The following CIDEB variants were observed in gnomAD, a reference collection of about 807,000 sequenced individuals.
CIDEB encodes the protein cell death inducing DFFA like effector b, also known as lipid transferase CIDEB.
A neutral mutation model predicts 22.4 loss-of-function variants in CIDEB; 27 were observed. The observed-to-expected ratio is 1.21, with a 90% confidence interval of 0.89 to 1.66. CIDEB has a LOEUF of 1.66. Ranked by LOEUF, CIDEB falls within the 40% of genes most tolerant of loss-of-function variation. CIDEB has a pLI of 0.00. For missense variants in CIDEB, 289 were observed against 268.7 expected (o/e 1.08, Z -0.53); for synonymous variants, 103 against 109.5 (o/e 0.94, Z 0.37).
At chr14:24,311,427 CCGGAAG>C (rs2041701745), upstream of CIDEB, 12 of 1,601,154 alleles carry the variant, frequency 7.5e-6, 1 homozygote, top group Non-Finnish European at 9.3e-6. Context: ...GCTGGCTCCA[CCGGAAG>C]GGGCCTTGGC....
rs770568839 is a variant in CIDEB at position 24,306,475 on chromosome 14, C to T, written c.235G>A (p.Glu79Lys). The change falls in exon 3 of 5, where the codon GAG (glutamate) becomes AAG (lysine). Residue 79 changes from glutamate (E) to lysine (K), a missense_variant. Glu to Lys is a moderately conservative substitution (Grantham distance 56, BLOSUM62 1). Coordinates refer to ENST00000554411, the MANE Select transcript of CIDEB (RefSeq NM_001393339.1). ...LNGVLTLVLE[E>K]DGTAVDSEDF... Reference sequence around the variant, plus strand: ...TCACTGTCCACTGCAGTTCCATCCTCCTCTAGCACCAGGGTTAGCACTCCA... The same window carrying T: ...TCACTGTCCACTGCAGTTCCATCCTTCTCTAGCACCAGGGTTAGCACTCCA... 3.1e-6 allele frequency: 5 copies of T among 1,614,130 alleles called. No homozygotes were observed. The African/African-American group carries it at 5.3e-5, about 17-fold the overall frequency.
At chr14:24,311,029 C>T, upstream of CIDEB, 2 of 1,582,272 alleles carry the variant, frequency 1.3e-6, no homozygotes, top group South Asian at 2.2e-5. Context: ...CGCTGCCTCG[C>T]AGTCACCCGC....
At chr14:24,310,197 C>G (rs755307894), upstream of CIDEB, 22 of 388,242 alleles carry the variant, frequency 5.7e-5, no homozygotes, top group Non-Finnish European at 9.5e-5. Context: ...GGCACCTCGC[C>G]TACTGCTGCT....
At position 24,305,471 on chromosome 14, in the gene CIDEB, G is replaced by A; in HGVS notation, c.*162C>T. The A allele has an allele frequency of 1.2e-6, 1 of 806,170 alleles. No individual in the cohort carries two copies. 49.9% of individuals were successfully genotyped at this position (806,170 alleles called of 1,614,324 possible). A position where few individuals can be genotyped will look rare whatever the true frequency, so the allele number is the denominator to read the frequency against. On this transcript the variant is annotated 3_prime_UTR_variant, in exon 5 of 5. Coordinates refer to ENST00000554411, the MANE Select transcript of CIDEB (RefSeq NM_001393339.1). ...GTAAGGGTATAGACTTGGGATGTGA[G>A]GCGTTATGCTGAAAGGTTCTGTCAC...
At chr14:24,306,253 C>T in intron 3 of CIDEB, 116 bp from the exon 4 acceptor site, 1 of 1,529,090 alleles carries the variant, frequency 6.5e-7, no homozygotes, top group South Asian at 1.2e-5. Context: ...TGTGTGACAT[C>T]CTTGACAATT....
chr14:24,306,800 G>T, intron 2 of CIDEB: 1 of 484,820 alleles, frequency 2.1e-6, no homozygotes. Context: ...TGGAAAGCAA[G>T]CCAGGTTCTC....
rs562734935 is a variant in CIDEB at position 24,305,331 on chromosome 14, T to C, written c.*302A>G. ...AGGGACAGGAGGCATTGGTAGGGGA[T>C]TAGATGTAGCAGCAGTCAGGCTGGG... On this transcript the variant is annotated 3_prime_UTR_variant, in exon 5 of 5. Transcript: ENST00000554411. The C allele has an allele frequency of 1.4e-5, 8 of 556,048 alleles. No individual in the cohort carries two copies. In the East Asian group the frequency reaches 2.5e-4, roughly 17 times the overall value. 34.4% of individuals were successfully genotyped at this position (556,048 alleles called of 1,614,324 possible). A position where few individuals can be genotyped will look rare whatever the true frequency, so the allele number is the denominator to read the frequency against.
chr14:24,310,684 C>T, upstream of CIDEB: 1 of 1,613,994 alleles, frequency 6.2e-7, no homozygotes, highest in Non-Finnish European at 8.5e-7. Flanking sequence ...TGCTACCGTC[C>T]CCCAGGGAAC....
rs1229471646 is a variant in CIDEB at position 24,307,535 on chromosome 14, G to T, written c.42-20C>A. ...ACTGACCTGGTAGTTGAGAAGAAAAGTCAAGAAGGGGCGAGGAGGGGCTTG... is the reference window on the plus strand; with the variant it reads ...ACTGACCTGGTAGTTGAGAAGAAAATTCAAGAAGGGGCGAGGAGGGGCTTG... On this transcript the variant is annotated intron_variant, in intron 1 of 4. Transcript: ENST00000554411. The T allele has an allele frequency of 1.9e-6, 3 of 1,610,458 alleles. No individual in the cohort carries two copies. The East Asian group carries it at 6.7e-5, about 36-fold the overall frequency.
chr14:24,309,640 T>A (rs965740193), upstream of CIDEB: 1 of 152,258 alleles, frequency 6.6e-6, no homozygotes, highest in Non-Finnish European at 1.5e-5. Context: ...TATGCCTCCA[T>A]GCATCCCCTG....
At chr14:24,306,791 G>A (rs2041524211) in intron 2 of CIDEB, 1 of 495,424 alleles carries the variant, frequency 2.0e-6, no homozygotes, top group East Asian at 3.5e-5. Context: ...GTTTGGAATT[G>A]GAAAGCAAGC....
upstream of CIDEB, chr14:24,310,191 C>A (rs1312099496): frequency 5.4e-6 from 2 of 370,250 alleles, no homozygotes; most frequent in Non-Finnish European, 1.0e-5. Context: ...GGAGTAGGCA[C>A]CTCGCCTACT....
chr14:24,305,755 G>A lies in CIDEB; in HGVS notation c.538C>T (p.Arg180Cys), dbSNP rs186107928. 1,297 of 1,613,424 alleles carry A rather than the reference G, an allele frequency of 8.0e-4. 13 individuals carry two copies. The highest frequency in any genetic ancestry group is 3.1e-4 in the South Asian group (28 of 90,928). Reference protein sequence around the residue: ...GPKKVLRELLRWTSTLLQGLG... With the variant: ...GPKKVLRELLCWTSTLLQGLG... ...CCTTGCAGCAGTGTGGAGGTCCAAC[G>A]AAGGAGCTCCCTGAATGGCAGAGAC... The change falls in exon 5 of 5, where the codon CGT becomes TGT. Residue 180 changes from arginine (R) to cysteine (C), a missense_variant. Arg to Cys is a radical substitution (Grantham distance 180). Coordinates refer to ENST00000554411, the MANE Select transcript of CIDEB (RefSeq NM_001393339.1).
At chr14:24,308,026 A>G (rs557151526), upstream of CIDEB, 71 of 662,142 alleles carry the variant, frequency 1.1e-4, no homozygotes, top group Non-Finnish European at 1.7e-4. Context: ...AAGAAGGGCA[A>G]AGTCCAAGGG....
At chr14:24,306,350 G>GC (rs2041506505) in intron 3 of CIDEB, 24 bp downstream of exon 3, 5 of 1,613,842 alleles carry the variant, frequency 3.1e-6, no homozygotes, top group Non-Finnish European at 4.2e-6. Flanking sequence ...GGCATTGGAA[G>GC]CAGCCCCAGT....
chr14:24,310,626 C>A, upstream of CIDEB: 1 of 1,610,138 alleles, frequency 6.2e-7, no homozygotes, highest in Non-Finnish European at 8.5e-7. Flanking sequence ...CCCTGAACGC[C>A]CTCTGTGGCG....
rs1434093492 is a variant in CIDEB at position 24,305,264 on chromosome 14, G to A, written c.*369C>T. The A allele has an allele frequency of 6.8e-6, 5 of 739,210 alleles. No homozygotes were observed. The highest frequency in any genetic ancestry group is 3.1e-5 in the East Asian group (1 of 32,162). The allele number at this position is 739,210 out of a possible 1,614,324, so 45.8% of individuals were successfully genotyped here. A position where few individuals can be genotyped will look rare whatever the true frequency, so the allele number is the denominator to read the frequency against. On this transcript the variant is annotated 3_prime_UTR_variant, in exon 5 of 5. Coordinates refer to ENST00000554411, the MANE Select transcript of CIDEB (RefSeq NM_001393339.1). ...GGAAGGGTATGAAGACAGATCTCAA[G>A]GTAAAGTCAGAGAGGGCTGTCATCA...
At chr14:24,311,160 C>T, upstream of CIDEB, 7 of 1,603,594 alleles carry the variant, frequency 4.4e-6, no homozygotes, top group South Asian at 2.2e-5. Flanking sequence ...GTGGAGGGAC[C>T]GCGTATGCCA....
chr14:24,307,197 G>C (rs967728951), intron 2 of CIDEB, 174 bp downstream of exon 2: 1 of 636,610 alleles, frequency 1.6e-6, no homozygotes, highest in Non-Finnish European at 2.6e-6. Context: ...AGCTCACTCG[G>C]TGGAAAATGA....
Sources: allele counts gnomAD v4.1 joint callset, GRCh38; gene constraint gnomAD v4.1.1; transcripts MANE v1.5; gene names NCBI Gene and HGNC (gene_info 2026-07-23, HGNC 2026-07-21).